LDB3: variants seen among roughly 807,000 people sequenced by gnomAD.
The protein encoded by LDB3 is LIM domain-binding protein 3.
Under a neutral mutation model 69.0 loss-of-function variants are expected in LDB3, and 49 were observed. That is an observed-to-expected ratio of 0.71 (90% CI 0.56 to 0.90). The LOEUF (loss-of-function observed/expected upper bound fraction) is 0.90. Among genes scored for constraint, LDB3 ranks in the 40% least tolerant of loss-of-function variants. LDB3 has a pLI of 0.00. For missense variants in LDB3, 928 were observed against 974.1 expected (o/e 0.95, Z 0.63); for synonymous variants, 387 against 396.2 (o/e 0.98, Z 0.28).
rs1564667450 is a variant in LDB3 at position 86,734,673 on chromosome 10, G to A, written c.*1697G>A. 2.0e-5 allele frequency: 3 copies of A among 152,304 alleles called. No homozygotes were observed. Among genetic ancestry groups the A allele is most frequent in the African/African-American group, 7.2e-5 (3 of 41,560 alleles). 9.4% of individuals were successfully genotyped at this position (152,304 alleles called of 1,614,324 possible). A position where few individuals can be genotyped will look rare whatever the true frequency, so the allele number is the denominator to read the frequency against. On this transcript the variant is annotated 3_prime_UTR_variant, in exon 14 of 14. Transcript: ENST00000361373. The stretch of plus-strand genomic sequence containing the variant: ...CAGCTAGCTATGTCCCTAGCTGCAG[G>A]AAGCCCCTATTTTTTCCAAGCACGA...
At chr10:86,697,076 C>T (rs1010755938) in intron 7 of LDB3, among the ~76,000 whole-genome samples, 4 of 152,132 alleles carry the variant, frequency 2.6e-5, no homozygotes, top group Non-Finnish European at 4.4e-5. Flanking sequence ...GGTGCAGAAC[C>T]GAGGACCTCT....
At position 86,716,474 on chromosome 10, in the gene LDB3, C is replaced by T. The variant is rs199771163; in HGVS notation, c.1379C>T (p.Ala460Val). The T allele has an allele frequency of 4.8e-5, 78 of 1,609,560 alleles. No homozygotes were observed. The change falls in exon 10 of 14, where the codon GCC becomes GTC. Residue 460 changes from alanine to valine, a missense_variant. Ala to Val is a moderately conservative substitution (Grantham distance 64). Transcript: ENST00000361373. ...VPTYTPSPAP[A>V]YTPSPAPNYN... ...ACCTACACTCCATCCCCAGCACCAG[C>T]CTATACCCCCTCACCTGCCCCCAAC...
At chr10:86,732,016 T>C (rs1004335025) in intron 13 of LDB3, among the ~76,000 whole-genome samples, 1 of 148,424 alleles carries the variant, frequency 6.7e-6, no homozygotes, top group Non-Finnish European at 1.5e-5. Flanking sequence ...TTTCTTTTTT[T>C]TTTTTTTTGG....
chr10:86,720,313 G>A (rs545163940), intron 12 of LDB3, among the ~76,000 whole-genome samples: 3 of 152,138 alleles, frequency 2.0e-5, no homozygotes, highest in South Asian at 2.1e-4. Flanking sequence ...GCATGATGGC[G>A]GGCGTCTGTA....
chr10:86,679,595 C>T, intron 3 of LDB3, 77 bp downstream of exon 3: 1 of 1,524,284 alleles, frequency 6.6e-7, no homozygotes, highest in South Asian at 1.1e-5. Context: ...AGGGATTGTC[C>T]CATAGCAATT....
intron 2 of LDB3, 53 bp downstream of exon 2, chr10:86,668,837 G>A: frequency 1.5e-6 from 2 of 1,321,932 alleles, no homozygotes; most frequent in Admixed American, 1.7e-5. Flanking sequence ...ACGCTTGGAG[G>A]AGGGCATGTG....
At chr10:86,669,620 C>T (rs1844345895) in intron 2 of LDB3, among the ~76,000 whole-genome samples, 1 of 152,228 alleles carries the variant, frequency 6.6e-6, no homozygotes, top group Non-Finnish European at 1.5e-5. Context: ...CCGTAGTAGG[C>T]ACTCCGTCAG....
chr10:86,714,969 C>A (rs1407289148), intron 9 of LDB3, among the ~76,000 whole-genome samples: 1 of 150,554 alleles, frequency 6.6e-6, no homozygotes, highest in African/African-American at 2.5e-5. Context: ...CTGGTCCCTA[C>A]TCACCCCCAG....
chr10:86,692,208 G>A lies in LDB3; in HGVS notation c.859+143G>A, dbSNP rs1845798527. 5.0e-6 allele frequency: 5 copies of A among 994,876 alleles called. No individual in the cohort carries two copies. The South Asian group carries it at 6.5e-5, about 13-fold the overall frequency. The allele number at this position is 994,876 out of a possible 1,614,324, so 61.6% of individuals were successfully genotyped here. On this transcript the variant is annotated intron_variant, in intron 6 of 13. Coordinates refer to ENST00000361373, the MANE Select transcript of LDB3 (RefSeq NM_007078.3). The stretch of plus-strand genomic sequence containing the variant: ...AGGCTTGATGGTTTGTCAGTGGCTG[G>A]CAGGGCTCCTTCTGGGCCTCTCAGG...
chr10:86,668,829 G>T (rs775063829), intron 2 of LDB3, 45 bp downstream of exon 2: 17 of 1,404,878 alleles, frequency 1.2e-5, no homozygotes, highest in South Asian at 2.3e-5. Context: ...GGGCAGGCAC[G>T]CTTGGAGGAG....
intron 7 of LDB3, among the ~76,000 whole-genome samples, chr10:86,694,206 A>G (rs1237902631): frequency 3.9e-5 from 6 of 152,210 alleles, no homozygotes; most frequent in Non-Finnish European, 7.3e-5. Flanking sequence ...GAGAGCACAA[A>G]GGCAGTGTTG....
chr10:86,732,989 G>A lies in LDB3; in HGVS notation c.*13G>A, dbSNP rs397517207. 1.1e-5 allele frequency: 17 copies of A among 1,603,074 alleles called. No individual in the cohort carries two copies. The highest frequency in any genetic ancestry group is 6.6e-5 in the South Asian group (6 of 90,402). ...CATCAACTTGTAGGCGGCCAAGGCC[G>A]CCTGTGCTGACGAGGCCCGGAGCTG... is the stretch of plus-strand genomic sequence containing the variant. On this transcript the variant is annotated 3_prime_UTR_variant, in exon 14 of 14. Transcript: ENST00000361373.
In LDB3 at chr10:86,704,496, C is replaced by T. The variant is rs943293259; in HGVS notation, c.897-2035C>T. 2.0e-4 allele frequency among the ~76,000 whole-genome samples: 31 copies of T among 151,310 alleles called. 1 individual carries two copies. The highest frequency in any genetic ancestry group is 1.8e-3 in the Admixed American group (27 of 15,202). On this transcript the variant is annotated intron_variant, in intron 7 of 13. Coordinates refer to ENST00000361373, the MANE Select transcript of LDB3 (RefSeq NM_007078.3). ...AATGGCATGCATGATCTCGGCTCAC[C>T]GCAACCTCTGCCTCCCGGGTTCAAG...
intron 2 of LDB3, among the ~76,000 whole-genome samples, chr10:86,678,543 T>G (rs942082436): frequency 3.3e-5 from 5 of 151,826 alleles, no homozygotes; most frequent in African/African-American, 7.3e-5. Context: ...TTTCACCATA[T>G]TGGCCAGGCT....
intron 9 of LDB3, 108 bp from the exon 10 acceptor site, chr10:86,716,219 G>C: frequency 7.7e-7 from 1 of 1,293,948 alleles, no homozygotes; most frequent in Non-Finnish European, 1.1e-6. Context: ...AAATTGTACT[G>C]CTCTAATGTT....
chr10:86,693,270 C>T (rs1253237207), intron 7 of LDB3, among the ~76,000 whole-genome samples: 2 of 152,168 alleles, frequency 1.3e-5, no homozygotes, highest in Admixed American at 6.5e-5. Flanking sequence ...CACTGGAACC[C>T]GCTGGGGCCT....
intron 5 of LDB3, among the ~76,000 whole-genome samples, chr10:86,688,237 C>G (rs531394305): frequency 5.3e-5 from 8 of 152,220 alleles, no homozygotes; most frequent in Middle Eastern, 6.8e-3. Flanking sequence ...GGCAAAAAGT[C>G]TTGAAATGAC....
chr10:86,709,802 G>A lies in LDB3; in HGVS notation c.1086-103G>A, dbSNP rs559744938. 2.6e-4 allele frequency: 318 copies of A among 1,232,312 alleles called. 3 individuals are homozygous for A. Among genetic ancestry groups the A allele is most frequent in the Non-Finnish European group, 4.6e-5 (39 of 855,302 alleles). The allele number at this position is 1,232,312 out of a possible 1,614,324, so 76.3% of individuals were successfully genotyped here. A position where few individuals can be genotyped will look rare whatever the true frequency, so the allele number is the denominator to read the frequency against. ...TTCCCCAGAAATGTCTCTGTCAGGT[G>A]TCCTCACAGAGGCTTCTGAAGACCT... is the stretch of plus-strand genomic sequence containing the variant. On this transcript the variant is annotated intron_variant, in intron 8 of 13. Coordinates refer to ENST00000361373, the MANE Select transcript of LDB3 (RefSeq NM_007078.3).
rs144798369 is a variant in LDB3, at chr10:86,681,549, C to T, written c.435C>T (p.Ala145=). ...TPELRPTFSP[A]FSRPSAFSSL... is the part of the protein sequence containing the mutation. ...AGCTCAGGCCCACCTTTAGCCCTGC[C>T]TTCTCCCGGCCCTCCGCCTTCTCCT... Residue 145 remains alanine (A), a synonymous_variant, in exon 5 of 14, where the codon GCC becomes GCT. Coordinates refer to ENST00000361373, the MANE Select transcript of LDB3 (RefSeq NM_007078.3). The T allele has an allele frequency of 3.7e-6, 6 of 1,612,850 alleles. No individual in the cohort carries two copies. In the African/African-American group the frequency reaches 8.0e-5, roughly 22 times the overall value.
Sources: gnomAD v4.1 joint callset for allele counts (sites outside exome capture counted in the v4.1 genomes callset) on GRCh38, gnomAD v4.1.1 for gene constraint, MANE v1.5 for transcripts, NCBI Gene and HGNC (gene_info 2026-07-23, HGNC 2026-07-21) for gene names.